NAP1L4: variants seen among roughly 807,000 people sequenced by gnomAD.
The protein encoded by NAP1L4 is nucleosome assembly protein 1-like 4.
Under a neutral mutation model 58.2 loss-of-function variants are expected in NAP1L4, and 15 were observed. The observed-to-expected ratio is 0.26, with a 90% CI of 0.17 to 0.40. The LOEUF (loss-of-function observed/expected upper bound fraction) is 0.40, where lower values mean the gene tolerates loss of function less well. Ranked by LOEUF, NAP1L4 falls within the 10% of genes least tolerant of loss-of-function variation. The pLI, the probability that NAP1L4 is intolerant of heterozygous loss-of-function variation, is 1.00. For missense variants in NAP1L4, 384 were observed against 451.1 expected, an observed-to-expected ratio of 0.85 and a Z score of 1.35; for synonymous variants, 171 against 155.6, an observed-to-expected ratio of 1.10 and a Z score of -0.74.
In NAP1L4 at chr11:2,975,920, G is replaced by A. The variant is rs1315368778; in HGVS notation, c.173+104C>T. On this transcript the variant is annotated intron_variant, in intron 4 of 15. Transcript: ENST00000380542. ...TCTCTCATAGACAATGTCTTGGAAC[G>A]AAAAAAACATTTAATCCTGTTCTGG... 26 of 1,030,012 alleles carry A rather than the reference G, an allele frequency of 2.5e-5. No homozygotes were observed. In the South Asian group the frequency reaches 2.9e-4, roughly 12 times the overall value. The allele number at this position is 1,030,012 out of a possible 1,614,324, so 63.8% of individuals were successfully genotyped here.
In NAP1L4 at chr11:2,955,923, A is replaced by T; in HGVS notation, c.893-157T>A. The T allele has an allele frequency of 1.5e-6, 1 of 663,006 alleles. No individual in the cohort carries two copies. Among genetic ancestry groups the T allele is most frequent in the African/African-American group, 1.8e-5 (1 of 55,066 alleles). The allele number at this position is 663,006 out of a possible 1,614,324, so 41.1% of individuals were successfully genotyped here. A position where few individuals can be genotyped will look rare whatever the true frequency, so the allele number is the denominator to read the frequency against. On this transcript the variant is annotated intron_variant, in intron 10 of 15. Transcript: ENST00000380542. The surrounding 1 kb of genome is among the most constrained non-coding windows in gnomAD (Gnocchi z 4.2). Reference sequence around the variant, plus strand: ...CAAAGCCTTGCATCTCCTCACAGACATCTTTGCAAGCTCCATCCACCACTT... The same window carrying T: ...CAAAGCCTTGCATCTCCTCACAGACTTCTTTGCAAGCTCCATCCACCACTT...
chr11:2,954,390 C>T lies in NAP1L4; in HGVS notation c.1035+137G>A. On this transcript the variant is annotated intron_variant, in intron 12 of 15. Transcript: ENST00000380542. The surrounding 1 kb of genome is among the most constrained non-coding windows in gnomAD (Gnocchi z 4.8). ...CGTATTCCCCCCACAACAAGGACAG[C>T]AGCTTGGACTACATATCTGGCTGAT... 8.1e-7 allele frequency: 1 copy of T among 1,238,884 alleles called. No individual in the cohort carries two copies. The highest frequency in any genetic ancestry group is 2.5e-5 in the East Asian group (1 of 40,272). 76.7% of individuals were successfully genotyped at this position (1,238,884 alleles called of 1,614,324 possible).
rs994431464 is a variant in NAP1L4, at chr11:2,955,418, C to T, written c.915+326G>A. Among the ~76,000 whole-genome samples, 2 of 151,758 alleles carry T rather than the reference C, an allele frequency of 1.3e-5. No individual in the cohort carries two copies. Among genetic ancestry groups the T allele is most frequent in the African/African-American group, 4.8e-5 (2 of 41,246 alleles). On this transcript the variant is annotated intron_variant, in intron 11 of 15. Coordinates refer to ENST00000380542, the MANE Select transcript of NAP1L4 (RefSeq NM_005969.4). The surrounding 1 kb of genome is among the most constrained non-coding windows in gnomAD (Gnocchi z 4.2). ...ACGGGGTTTCACCATGTTGACCAGA[C>T]TGGTCTTGAACTCCTGACCTCTGGT...
In NAP1L4 at chr11:2,959,809, G is replaced by C. The variant is rs752625341; in HGVS notation, c.707C>G (p.Pro236Arg). Reference protein sequence around the residue: ...KMKSEPDKADPFSFEGPEIVD... With the variant: ...KMKSEPDKADRFSFEGPEIVD... Reference sequence around the variant, plus strand: ...AATCTCAGGACCTTCAAAGGAAAAGGGATCAGCCTTATCTGGTTCTGATTT... The same window carrying C: ...AATCTCAGGACCTTCAAAGGAAAAGCGATCAGCCTTATCTGGTTCTGATTT... The change falls in exon 9 of 16, where the codon CCC (proline) becomes CGC (arginine). Residue 236 changes from proline (P) to arginine (R), a missense_variant. Pro to Arg is a moderately radical substitution (Grantham distance 103). Transcript: ENST00000380542. The surrounding 1 kb of genome is among the most constrained non-coding windows in gnomAD (Gnocchi z 4.9). The C allele has an allele frequency of 2.5e-6, 4 of 1,614,050 alleles. No individual in the cohort carries two copies. Among genetic ancestry groups the C allele is most frequent in the African/African-American group, 1.3e-5 (1 of 74,930 alleles).
chr11:2,946,137 C>T lies in NAP1L4; in HGVS notation c.*33-491G>A, dbSNP rs748563232. Among the ~76,000 whole-genome samples the T allele has an allele frequency of 6.6e-6, 1 of 152,202 alleles. No individual in the cohort carries two copies. The highest frequency in any genetic ancestry group is 2.4e-5 in the African/African-American group (1 of 41,450). On this transcript the variant is annotated intron_variant, in intron 15 of 15. Transcript: ENST00000380542. The surrounding 1 kb of genome is among the most constrained non-coding windows in gnomAD (Gnocchi z 4.8). The stretch of plus-strand genomic sequence containing the variant: ...CATGGAAAGCACATCTCTCCTCTAG[C>T]GGGTTCCTGCTCTTTGTACTACCAG...
intron 8 of NAP1L4, among the ~76,000 whole-genome samples, chr11:2,961,999 C>A (rs1371205866): frequency 6.6e-6 from 1 of 152,340 alleles, no homozygotes; most frequent in East Asian, 1.9e-4. Context: ...TTCACACACG[C>A]ACTACAGCCA....
chr11:2,976,029 G>A lies in NAP1L4; in HGVS notation c.168C>T (p.Ile56=), dbSNP rs772391143. 8.7e-6 allele frequency: 14 copies of A among 1,611,452 alleles called. No homozygotes were observed. The highest frequency in any genetic ancestry group is 1.2e-5 in the Non-Finnish European group (14 of 1,179,216). ...DNVPHTPSSY[I]ETLPKAVKRR... ...CCTATTCACAGCACACTTACGTTTCGATGTAGCTGGAAGGGGTGTGAGGGA... is the reference window on the plus strand; with the variant it reads ...CCTATTCACAGCACACTTACGTTTCAATGTAGCTGGAAGGGGTGTGAGGGA... Residue 56 remains isoleucine (I), a synonymous_variant, in exon 4 of 16, where the codon ATC becomes ATT. Transcript: ENST00000380542.
chr11:2,990,130 T>C (rs1163801559), intron 1 of NAP1L4: 1 of 82,676 alleles, frequency 1.2e-5, no homozygotes, highest in East Asian at 3.0e-4. Context: ...AAAAGTGTTA[T>C]ATGTGCCTAT....
At chr11:2,982,699 C>T (rs2134010275) in intron 1 of NAP1L4, among the ~76,000 whole-genome samples, 1 of 152,344 alleles carries the variant, frequency 6.6e-6, no homozygotes, top group East Asian at 1.9e-4. Context: ...CACTTCACTT[C>T]TGGCTGTTTC....
chr11:2,969,365 T>TACAC (rs112028410), intron 7 of NAP1L4, among the ~76,000 whole-genome samples: 15,782 of 151,186 alleles, frequency 0.1, 945 homozygotes, highest in African/African-American at 0.16. Flanking sequence ...GATGTGTGTG[T>TACAC]ACACACACAC....
In NAP1L4 at chr11:2,971,573, G is replaced by C. The variant is rs778823403; in HGVS notation, c.316-39C>G. 2.0e-6 allele frequency: 3 copies of C among 1,530,670 alleles called. No homozygotes were observed. The highest frequency in any genetic ancestry group is 2.7e-6 in the Non-Finnish European group (3 of 1,111,588). The allele number at this position is 1,530,670 out of a possible 1,614,324, so 94.8% of individuals were successfully genotyped here. On this transcript the variant is annotated intron_variant, in intron 5 of 15. Coordinates refer to ENST00000380542, the MANE Select transcript of NAP1L4 (RefSeq NM_005969.4). The surrounding 1 kb of genome is among the most constrained non-coding windows in gnomAD (Gnocchi z 4.2). ...AGACCTTATTAGAATTATGTTATTA[G>C]CTTACTTAGGAACTCAAGAGTTAAA...
At position 2,949,281 on chromosome 11, in the gene NAP1L4, A is replaced by C. The variant is rs1424322938; in HGVS notation, c.1123-17T>G. ...AAATTACACCTAAATGGGGAAAAAA[A>C]TTGAAAGGAACTGTCAGCATGAAAG... On this transcript the variant is annotated splice_polypyrimidine_tract_variant and intron_variant, in intron 14 of 15. Transcript: ENST00000380542. This position sits in a 1 kb window ranked among gnomAD's most constrained non-coding sequence, Gnocchi z 4.0. 1 of 1,584,956 alleles carries C rather than the reference A, an allele frequency of 6.3e-7. No individual in the cohort carries two copies. Among genetic ancestry groups the C allele is most frequent in the East Asian group, 2.2e-5 (1 of 44,756 alleles).
At chr11:2,979,387 A>G in intron 1 of NAP1L4, 150 bp from the exon 2 acceptor site, 1 of 638,100 alleles carries the variant, frequency 1.6e-6, no homozygotes, top group South Asian at 2.0e-5. Flanking sequence ...CTAGATCTTG[A>G]CTGAGGTTAC....
In NAP1L4 at chr11:2,951,228, A is replaced by G; in HGVS notation, c.1122+31T>C. 6.3e-7 allele frequency: 1 copy of G among 1,588,018 alleles called. No individual in the cohort carries two copies. The highest frequency in any genetic ancestry group is 8.6e-7 in the Non-Finnish European group (1 of 1,156,966). On this transcript the variant is annotated intron_variant, in intron 14 of 15. Transcript: ENST00000380542. This position sits in a 1 kb window ranked among gnomAD's most constrained non-coding sequence, Gnocchi z 4.0. ...AAAAGTCTAAGAGTGCAGCATAATA[A>G]GTAGGTCTGGGTGGCCCCAAAGTTA...
At chr11:2,965,489 T>C (rs1259472242) in intron 7 of NAP1L4, among the ~76,000 whole-genome samples, 1 of 152,228 alleles carries the variant, frequency 6.6e-6, no homozygotes, top group Non-Finnish European at 1.5e-5. Flanking sequence ...ATGCAGTCTG[T>C]TGTGACCAAA....
chr11:2,958,493 C>T lies in NAP1L4; in HGVS notation c.798G>A (p.Lys266=). Residue 266 remains lysine, a synonymous_variant, in exon 10 of 16, where the codon AAG becomes AAA. Transcript: ENST00000380542. ...CTCGACCCTTATGCTTCTGCTTTTT[C>T]TTGATGGTTTTGACAGTAACATTCT... is the stretch of plus-strand genomic sequence containing the variant. ...KGKNVTVKTI[K]KKQKHKGRGT... The T allele has an allele frequency of 1.9e-6, 3 of 1,614,126 alleles. No individual in the cohort carries two copies. The highest frequency in any genetic ancestry group is 2.5e-6 in the Non-Finnish European group (3 of 1,180,028).
chr11:2,960,093 T>C, intron 8 of NAP1L4, 184 bp from the exon 9 acceptor site: 1 of 598,426 alleles, frequency 1.7e-6, no homozygotes, highest in East Asian at 2.9e-5. Flanking sequence ...AACGATGGAC[T>C]GGCGGGAAAT....
chr11:2,960,632 G>C (rs1267567951), intron 8 of NAP1L4, among the ~76,000 whole-genome samples: 1 of 152,138 alleles, frequency 6.6e-6, no homozygotes, highest in African/African-American at 2.4e-5. Flanking sequence ...ACCCGGCCAG[G>C]ATTTTGGGGT....
intron 8 of NAP1L4, among the ~76,000 whole-genome samples, chr11:2,960,623 C>T (rs919964050): frequency 8.5e-5 from 13 of 152,136 alleles, no homozygotes; most frequent in African/African-American, 2.7e-4. Flanking sequence ...AATATGTAGA[C>T]CCGGCCAGGA....
Sources: allele counts gnomAD v4.1 joint callset (sites outside exome capture counted in the v4.1 genomes callset), GRCh38; gene constraint gnomAD v4.1.1; non-coding constraint Gnocchi (gnomAD v3.1); transcripts MANE v1.5; gene names NCBI Gene and HGNC (gene_info 2026-07-23, HGNC 2026-07-21).